The following NMNAT2 variants were observed in gnomAD, a reference collection of about 807,000 sequenced individuals.
The protein encoded by NMNAT2 is nicotinamide/nicotinic acid mononucleotide adenylyltransferase 2.
A neutral mutation model predicts 41.6 loss-of-function variants in NMNAT2; 11 were observed. The ratio of observed to expected loss-of-function variants is 0.26; its 90% CI spans 0.17 to 0.44. The LOEUF (loss-of-function observed/expected upper bound fraction) is 0.44, where lower values mean the gene tolerates loss of function less well. Among genes scored for constraint, NMNAT2 ranks in the 20% least tolerant of loss-of-function variants. The pLI, the probability that NMNAT2 is intolerant of heterozygous loss-of-function variation, is 1.00. For synonymous variants in NMNAT2, 148 were observed against 151.2 expected, an observed-to-expected ratio of 0.98 and a Z score of 0.16; for missense variants, 288 against 407.7, an observed-to-expected ratio of 0.71 and a Z score of 2.53.
rs1010454593 is a variant in NMNAT2 at position 183,249,999 on chromosome 1, A to G, written c.*2642T>C. 6.6e-6 allele frequency: 1 copy of G among 152,132 alleles called. No homozygotes were observed. The highest frequency in any genetic ancestry group is 2.4e-5 in the African/African-American group (1 of 41,394). The allele number at this position is 152,132 out of a possible 1,614,324, so 9.4% of individuals were successfully genotyped here. On this transcript the variant is annotated 3_prime_UTR_variant, in exon 11 of 11. Transcript: ENST00000287713. ...AGCCTCATTCCTTCTCATGGGCTGT[A>G]GACCAAATGGGGCTTGACCAGAGCA... is the stretch of plus-strand genomic sequence containing the variant.
intron 4 of NMNAT2, among the ~76,000 whole-genome samples, chr1:183,287,279 AG>A (rs1294151641): frequency 1.3e-5 from 2 of 152,100 alleles, no homozygotes; most frequent in African/African-American, 4.8e-5. Flanking sequence ...TGTCTGCAAA[AG>A]GGCTCTGTAA....
intron 1 of NMNAT2, among the ~76,000 whole-genome samples, chr1:183,367,993 A>G (rs1663450642): frequency 6.6e-6 from 1 of 152,082 alleles, no homozygotes; most frequent in Non-Finnish European, 1.5e-5. Context: ...AGCATCTAGA[A>G]ACTTCTGTAG....
At chr1:183,263,253 A>T (rs1660708987) in intron 8 of NMNAT2, among the ~76,000 whole-genome samples, 1 of 152,228 alleles carries the variant, frequency 6.6e-6, no homozygotes, top group South Asian at 2.1e-4. Flanking sequence ...TGGATCATGT[A>T]ATCTGGAAGA....
At chr1:183,292,155 G>A (rs74129678) in intron 3 of NMNAT2, among the ~76,000 whole-genome samples, 4 of 152,162 alleles carry the variant, frequency 2.6e-5, no homozygotes, top group South Asian at 2.1e-4. Context: ...AAATTATAAC[G>A]GTAAGAACTT....
intron 1 of NMNAT2, among the ~76,000 whole-genome samples, chr1:183,367,569 A>G (rs530789388): frequency 6.6e-6 from 1 of 152,374 alleles, no homozygotes; most frequent in African/African-American, 2.4e-5. Flanking sequence ...CTTAAATAAT[A>G]GAAGCCCAGT....
chr1:183,417,205 T>C (rs1362782186), intron 1 of NMNAT2, among the ~76,000 whole-genome samples: 2 of 152,094 alleles, frequency 1.3e-5, no homozygotes, highest in South Asian at 2.1e-4. Flanking sequence ...AGACCTCCAA[T>C]AGGCATCTAT....
Position 183,418,378 on chromosome 1 carries a change from T to A in NMNAT2, c.-111A>T, listed in dbSNP as rs1201914056. 2.0e-6 allele frequency: 2 copies of A among 1,004,864 alleles called. No individual in the cohort carries two copies. Among genetic ancestry groups the A allele is most frequent in the East Asian group, 4.8e-5 (2 of 41,346 alleles). 62.2% of individuals were successfully genotyped at this position (1,004,864 alleles called of 1,614,324 possible). A position where few individuals can be genotyped will look rare whatever the true frequency, so the allele number is the denominator to read the frequency against. ...GGCTCCGGCGGTGGATGCTGTGGAC[T>A]CCAAGGAGCCGCTCCAGACGCAAAC... On this transcript the variant is annotated 5_prime_UTR_variant, in exon 1 of 11. Coordinates refer to ENST00000287713, the MANE Select transcript of NMNAT2 (RefSeq NM_015039.4).
chr1:183,351,044 T>C lies in NMNAT2; in HGVS notation c.86-57251A>G, dbSNP rs78483930. Among the ~76,000 whole-genome samples the C allele has an allele frequency of 1.1e-3, 173 of 152,354 alleles. 2 individuals carry two copies. The East Asian group carries it at 0.026, about 23-fold the overall frequency. ...AGAGAACTGTGTCCCATCACCGTTA[T>C]TAGCCAATCTATCGTCATTCAGCAT... On this transcript the variant is annotated intron_variant, in intron 1 of 10. Transcript: ENST00000287713.
At chr1:183,331,810 C>T (rs751148696) in intron 1 of NMNAT2, among the ~76,000 whole-genome samples, 27 of 152,090 alleles carry the variant, frequency 1.8e-4, no homozygotes, top group African/African-American at 1.2e-4. Context: ...TTTTTTGAGA[C>T]GGAGTCTCAC....
intron 1 of NMNAT2, among the ~76,000 whole-genome samples, chr1:183,311,195 C>T (rs1426055649): frequency 2.0e-5 from 3 of 152,074 alleles, no homozygotes; most frequent in African/African-American, 7.2e-5. Context: ...CTTCAAAATT[C>T]ACCCTGACCT....
intron 8 of NMNAT2, among the ~76,000 whole-genome samples, chr1:183,276,692 C>T (rs1370126433): frequency 6.6e-6 from 1 of 152,232 alleles, no homozygotes; most frequent in South Asian, 2.1e-4. Flanking sequence ...CCCAGGCCTC[C>T]GCAATAAAAT....
intron 1 of NMNAT2, among the ~76,000 whole-genome samples, chr1:183,329,326 A>G (rs917233226): frequency 4.6e-5 from 7 of 152,196 alleles, no homozygotes; most frequent in African/African-American, 1.7e-4. Context: ...CTCAGCATGA[A>G]AGTCATATAT....
chr1:183,284,559 T>G (rs1661350888), intron 6 of NMNAT2, 151 bp downstream of exon 6: 4 of 709,922 alleles, frequency 5.6e-6, no homozygotes, highest in Non-Finnish European at 2.6e-6. Flanking sequence ...AACGCCTGTG[T>G]GGGGGGATAC....
intron 1 of NMNAT2, among the ~76,000 whole-genome samples, chr1:183,346,275 C>A (rs1426315505): frequency 6.6e-6 from 1 of 152,130 alleles, no homozygotes; most frequent in East Asian, 1.9e-4. Flanking sequence ...CAAATCAGTC[C>A]AAACTCCGAA....
At chr1:183,324,175 G>A (rs914640982) in intron 1 of NMNAT2, among the ~76,000 whole-genome samples, 5 of 152,182 alleles carry the variant, frequency 3.3e-5, no homozygotes, top group African/African-American at 9.7e-5. Context: ...TGCAGCAGAA[G>A]ATCAACATTG....
At chr1:183,300,092 C>A (rs921833432) in intron 1 of NMNAT2, among the ~76,000 whole-genome samples, 1 of 152,108 alleles carries the variant, frequency 6.6e-6, no homozygotes, top group African/African-American at 2.4e-5. Flanking sequence ...GCCCTTCCTC[C>A]TTGTGAGGAC....
chr1:183,410,975 C>T (rs1227033084), intron 1 of NMNAT2, among the ~76,000 whole-genome samples: 2 of 152,096 alleles, frequency 1.3e-5, no homozygotes, highest in Non-Finnish European at 1.5e-5. Context: ...ATCTTGGCCT[C>T]CCAAAGTGCT....
chr1:183,380,902 C>A (rs1462548456), intron 1 of NMNAT2, among the ~76,000 whole-genome samples: 1 of 151,942 alleles, frequency 6.6e-6, no homozygotes, highest in Non-Finnish European at 1.5e-5. Flanking sequence ...TAATTGGGAG[C>A]CAGAGGAGGT....
At chr1:183,403,501 G>A (rs1429550933) in intron 1 of NMNAT2, among the ~76,000 whole-genome samples, 1 of 146,170 alleles carries the variant, frequency 6.8e-6, no homozygotes, top group African/African-American at 2.5e-5. Context: ...GCCCCCACTC[G>A]GGAGACTGTC....
Sources: gnomAD v4.1 joint callset for allele counts (sites outside exome capture counted in the v4.1 genomes callset) on GRCh38, gnomAD v4.1.1 for gene constraint, MANE v1.5 for transcripts, NCBI Gene and HGNC (gene_info 2026-07-23, HGNC 2026-07-21) for gene names.